The following FPR2 variants were observed in gnomAD, a reference collection of about 807,000 sequenced individuals.
The protein encoded by FPR2 is formyl peptide receptor 2.
Under a neutral mutation model 4.0 loss-of-function variants are expected in FPR2, and 3 were observed. The observed-to-expected ratio is 0.74, with a 90% CI of 0.34 to 1.92. FPR2 has a LOEUF of 1.92. FPR2 is among the 30% of genes most tolerant of loss of function. The pLI, the probability that FPR2 is intolerant of heterozygous loss-of-function variation, is 0.07. For synonymous variants in FPR2, 179 were observed against 171.5 expected, an observed-to-expected ratio of 1.04 and a Z score of -0.34; for missense variants, 372 against 435.7, an observed-to-expected ratio of 0.85 and a Z score of 1.30.
Position 51,769,327 on chromosome 19 carries a change from C to G in FPR2, c.669C>G (p.Leu223=). The G allele has an allele frequency of 6.2e-7, 1 of 1,614,176 alleles. No homozygotes were observed. The highest frequency in any genetic ancestry group is 8.5e-7 in the Non-Finnish European group (1 of 1,180,034). The part of the protein sequence containing the change: ...PMSIVAICYG[L]IAAKIHKKGM... ...CCATTGTTGCCATCTGCTATGGGCT[C>G]ATTGCAGCCAAGATCCACAAAAAGG... The change falls in exon 2 of 2, where the codon CTC becomes CTG. Residue 223 remains leucine, a synonymous_variant. Coordinates refer to ENST00000340023, the MANE Select transcript of FPR2 (RefSeq NM_001005738.2). The surrounding 1 kb of genome is among the most constrained non-coding windows in gnomAD (Gnocchi z 4.4).
chr19:51,764,310 G>A (rs1181683436), intron 1 of FPR2, among the ~76,000 whole-genome samples: 2 of 152,118 alleles, frequency 1.3e-5, no homozygotes, highest in South Asian at 2.1e-4. Context: ...GGGGAGGACC[G>A]GCTGAAAATT....
At chr19:51,764,078 AG>A (rs1209320293) in intron 1 of FPR2, among the ~76,000 whole-genome samples, 1 of 152,092 alleles carries the variant, frequency 6.6e-6, no homozygotes, top group Non-Finnish European at 1.5e-5. Flanking sequence ...TTCTTTTTAA[AG>A]GGAGGGGATA....
intron 1 of FPR2, chr19:51,762,836 T>C (rs1033223433): frequency 1.2e-4 from 19 of 152,258 alleles, no homozygotes; most frequent in African/African-American, 3.1e-4. Context: ...GTTGTAGAGA[T>C]AGAGATGGCT....
At position 51,769,041 on chromosome 19, in the gene FPR2, T is replaced by C; in HGVS notation, c.383T>C (p.Leu128Pro). The C allele has an allele frequency of 6.2e-7, 1 of 1,614,244 alleles. No individual in the cohort carries two copies. The highest frequency in any genetic ancestry group is 8.5e-7 in the Non-Finnish European group (1 of 1,180,038). Residue 128 changes from leucine (L) to proline (P), a missense_variant, in exon 2 of 2, where the codon CTG (leucine) becomes CCG (proline). Physicochemically the swap from Leu to Pro is moderately conservative, Grantham distance 98 (BLOSUM62 -3). Coordinates refer to ENST00000340023, the MANE Select transcript of FPR2 (RefSeq NM_001005738.2). This position sits in a 1 kb window ranked among gnomAD's most constrained non-coding sequence, Gnocchi z 4.4. The stretch of plus-strand genomic sequence containing the variant: ...GCACTGGACCGCTGCATTTGTGTCC[T>C]GCATCCAGTCTGGGCCCAGAACCAC... ...FIALDRCICV[L>P]HPVWAQNHRT...
At chr19:51,766,999 T>C (rs1262572784) in intron 1 of FPR2, among the ~76,000 whole-genome samples, 2 of 152,210 alleles carry the variant, frequency 1.3e-5, no homozygotes, top group African/African-American at 4.8e-5. Flanking sequence ...TGTATCCTGG[T>C]GTTTTCTTGT....
Position 51,769,747 on chromosome 19 carries a change from A to C in FPR2, c.*33A>C. On this transcript the variant is annotated 3_prime_UTR_variant, in exon 2 of 2. Coordinates refer to ENST00000340023, the MANE Select transcript of FPR2 (RefSeq NM_001005738.2). This position sits in a 1 kb window ranked among gnomAD's most constrained non-coding sequence, Gnocchi z 4.4. ...GTCAGGGATATTTTGAGTTCTGTTC[A>C]TCCTACCCTAATGCCAGTTCCAGCT... is the stretch of plus-strand genomic sequence containing the variant. 1 of 1,571,096 alleles carries C rather than the reference A, an allele frequency of 6.4e-7. No homozygotes were observed. Among genetic ancestry groups the C allele is most frequent in the Non-Finnish European group, 8.7e-7 (1 of 1,143,850 alleles).
rs199892175 is a variant in FPR2 at position 51,769,371 on chromosome 19, G to A, written c.713G>A (p.Arg238His). Residue 238 changes from arginine (R) to histidine (H), a missense_variant, in exon 2 of 2, where the codon CGT (arginine) becomes CAT (histidine). Coordinates refer to ENST00000340023, the MANE Select transcript of FPR2 (RefSeq NM_001005738.2). The surrounding 1 kb of genome is among the most constrained non-coding windows in gnomAD (Gnocchi z 4.4). Reference sequence around the variant, plus strand: ...AAAAAGGGCATGATTAAATCCAGCCGTCCCTTACGGGTCCTCACTGCTGTG... The same window carrying A: ...AAAAAGGGCATGATTAAATCCAGCCATCCCTTACGGGTCCTCACTGCTGTG... Reference protein sequence around the residue: ...IHKKGMIKSSRPLRVLTAVVA... With the variant: ...IHKKGMIKSSHPLRVLTAVVA... The A allele has an allele frequency of 1.8e-4, 295 of 1,614,176 alleles. No homozygotes were observed. The highest frequency in any genetic ancestry group is 7.0e-4 in the Admixed American group (42 of 60,018).
chr19:51,767,937 C>T (rs2083876961), intron 1 of FPR2, among the ~76,000 whole-genome samples: 1 of 152,046 alleles, frequency 6.6e-6, no homozygotes, highest in Non-Finnish European at 1.5e-5. Flanking sequence ...CAAAGCTATA[C>T]AAATCGGCAC....
intron 1 of FPR2, chr19:51,768,281 A>G (rs1836316160): frequency 5.3e-6 from 1 of 187,870 alleles, no homozygotes; most frequent in African/African-American, 2.3e-5. Flanking sequence ...GGTGGGAGAC[A>G]CAGATGTGAG....
intron 1 of FPR2, among the ~76,000 whole-genome samples, chr19:51,766,982 G>T (rs1242297477): frequency 2.0e-5 from 3 of 152,078 alleles, no homozygotes; most frequent in Non-Finnish European, 4.4e-5. Flanking sequence ...TGTTATACAG[G>T]TAAACTTGTA....
intron 1 of FPR2, among the ~76,000 whole-genome samples, chr19:51,765,638 G>A (rs551518179): frequency 2.0e-5 from 3 of 152,254 alleles, no homozygotes; most frequent in East Asian, 1.9e-4. Flanking sequence ...TATGAGCATC[G>A]TTCTTGTCCT....
chr19:51,763,821 G>A (rs12461801), intron 1 of FPR2, among the ~76,000 whole-genome samples: 85,828 of 152,032 alleles, frequency 0.56, 24,792 homozygotes, highest in East Asian at 0.7. Context: ...GCAGTGGTGC[G>A]ATCTCAGCTC....
Position 51,769,842 on chromosome 19 carries a change from T to C in FPR2, c.*128T>C. ...TCAAGTATTTATTCAGGAAAAATGC[T>C]TTTGTGTCCCTGATTTGGGGCTAAG... On this transcript the variant is annotated 3_prime_UTR_variant, in exon 2 of 2. Coordinates refer to ENST00000340023, the MANE Select transcript of FPR2 (RefSeq NM_001005738.2). This position sits in a 1 kb window ranked among gnomAD's most constrained non-coding sequence, Gnocchi z 4.4. 1.3e-6 allele frequency: 1 copy of C among 766,860 alleles called. No individual in the cohort carries two copies. The highest frequency in any genetic ancestry group is 2.9e-5 in the Admixed American group (1 of 34,682). 47.5% of individuals were successfully genotyped at this position (766,860 alleles called of 1,614,324 possible). A position where few individuals can be genotyped will look rare whatever the true frequency, so the allele number is the denominator to read the frequency against.
At chr19:51,768,563 G>T in intron 1 of FPR2, 82 bp from the exon 2 acceptor site, 1 of 1,127,986 alleles carries the variant, frequency 8.9e-7, no homozygotes. Flanking sequence ...GGGAGCTTTA[G>T]TGGAAGTTGA....
At chr19:51,762,874 G>A (rs2043940346) in intron 1 of FPR2, 2 of 152,234 alleles carry the variant, frequency 1.3e-5, no homozygotes, top group African/African-American at 2.4e-5. Flanking sequence ...AGATTCTGTA[G>A]ATAGAATTAA....
intron 1 of FPR2, among the ~76,000 whole-genome samples, chr19:51,767,138 A>G (rs910696399): frequency 1.3e-5 from 2 of 152,032 alleles, no homozygotes; most frequent in African/African-American, 4.8e-5. Flanking sequence ...ATGTGTTCTC[A>G]TCATTTACCT....
intron 1 of FPR2, among the ~76,000 whole-genome samples, chr19:51,767,415 G>A (rs56411022): frequency 0.079 from 12,059 of 152,176 alleles, 583 homozygotes; most frequent in South Asian, 0.17. Context: ...AACTTGATCT[G>A]AGAAGCTCTG....
At chr19:51,761,799 T>C (rs1353626747) in intron 1 of FPR2, among the ~76,000 whole-genome samples, 4 of 151,936 alleles carry the variant, frequency 2.6e-5, no homozygotes, top group Non-Finnish European at 4.4e-5. Context: ...AACTCAAAGA[T>C]AAATAAACAT....
intron 1 of FPR2, among the ~76,000 whole-genome samples, chr19:51,766,133 G>A (rs2083867128): frequency 6.6e-6 from 1 of 152,040 alleles, no homozygotes; most frequent in Non-Finnish European, 1.5e-5. Flanking sequence ...ATTGCCCAGG[G>A]TGGTCTGGAA....
Sources: gnomAD v4.1 joint callset for allele counts (sites outside exome capture counted in the v4.1 genomes callset) on GRCh38, gnomAD v4.1.1 for gene constraint, Gnocchi (gnomAD v3.1) non-coding constraint, MANE v1.5 for transcripts, NCBI Gene and HGNC (gene_info 2026-07-23, HGNC 2026-07-21) for gene names.